The following FAM135A variants were observed in gnomAD, a reference collection of about 807,000 sequenced individuals.
FAM135A encodes the protein protein FAM135A.
In FAM135A, 79 loss-of-function variants were observed where a neutral mutation model predicts 146.8. The observed-to-expected ratio is 0.54, with a 90% confidence interval of 0.45 to 0.65. The LOEUF is 0.65. Among genes scored for constraint, FAM135A ranks in the 30% least tolerant of loss-of-function variants. FAM135A has a pLI of 0.00. For missense variants in FAM135A, 1,623 were observed against 1,758.2 expected (o/e 0.92, Z 1.38); for synonymous variants, 562 against 603.6 (o/e 0.93, Z 1.01).
Position 70,536,239 on chromosome 6 carries a change from AATTT to A in FAM135A, c.3966-20_3966-17del. On this transcript the variant is annotated splice_polypyrimidine_tract_variant and intron_variant, in intron 18 of 21. Coordinates refer to ENST00000418814, the MANE Select transcript of FAM135A (RefSeq NM_001162529.3). Reference sequence around the variant, plus strand: ...CTAAAACTAATGCTGTGAGAAAATTAATTTTTTTTTCCTCTTAAAGCTTTATTGG... The same window carrying A: ...CTAAAACTAATGCTGTGAGAAAATTATTTTTTCCTCTTAAAGCTTTATTGG... 1 of 1,585,140 alleles carries A rather than the reference AATTT, an allele frequency of 6.3e-7. No individual in the cohort carries two copies. The highest frequency in any genetic ancestry group is 8.6e-7 in the Non-Finnish European group (1 of 1,168,258).
rs1179430522 is a variant in FAM135A, at chr6:70,442,238, GGTTT to G, written c.78-10253_78-10250del. Among the ~76,000 whole-genome samples the G allele has an allele frequency of 1.0e-4, 14 of 136,410 alleles. No individual in the cohort carries two copies. In the East Asian group the frequency reaches 1.4e-3, roughly 14 times the overall value. 89.5% of individuals were successfully genotyped at this position (136,410 alleles called of 152,430 possible). A position where few individuals can be genotyped will look rare whatever the true frequency, so the allele number is the denominator to read the frequency against. On this transcript the variant is annotated intron_variant, in intron 4 of 21. Transcript: ENST00000418814. The stretch of plus-strand genomic sequence containing the variant: ...CATAAATATTTAAAATTTCTTCATG[GGTTT>G]TTTTTTTTTTTTTTTGCCGAGATAT...
At chr6:70,484,637 A>G (rs973986100) in intron 10 of FAM135A, among the ~76,000 whole-genome samples, 3 of 152,082 alleles carry the variant, frequency 2.0e-5, no homozygotes, top group African/African-American at 4.8e-5. Flanking sequence ...GGAGCATGCA[A>G]CCTAGATCCC....
At chr6:70,438,984 G>A (rs1773848227) in intron 4 of FAM135A, among the ~76,000 whole-genome samples, 1 of 151,978 alleles carries the variant, frequency 6.6e-6, no homozygotes, top group African/African-American at 2.4e-5. Flanking sequence ...ATATAGTGAG[G>A]CCCTATCTAC....
chr6:70,551,836 A>G (rs1799885701), intron 20 of FAM135A, among the ~76,000 whole-genome samples: 1 of 152,224 alleles, frequency 6.6e-6, no homozygotes, highest in African/African-American at 2.4e-5. Flanking sequence ...GGCATTGCAA[A>G]ACAATTCCAA....
intron 12 of FAM135A, among the ~76,000 whole-genome samples, chr6:70,505,898 A>C (rs1012626303): frequency 1.3e-5 from 2 of 152,080 alleles, no homozygotes; most frequent in Non-Finnish European, 2.9e-5. Context: ...TTTTTCTTAG[A>C]ATTTCTTTAT....
At chr6:70,502,553 A>G in intron 11 of FAM135A, 83 bp from the exon 12 acceptor site, 1 of 1,413,154 alleles carries the variant, frequency 7.1e-7, no homozygotes, top group Non-Finnish European at 9.6e-7. Flanking sequence ...TTGCCTTTGT[A>G]TTAATATTCT....
At chr6:70,508,048 T>C (rs950589198) in intron 12 of FAM135A, among the ~76,000 whole-genome samples, 2 of 152,148 alleles carry the variant, frequency 1.3e-5, no homozygotes, top group African/African-American at 2.4e-5. Flanking sequence ...TTCTCTTTCC[T>C]TGAGCCTAGA....
intron 21 of FAM135A, among the ~76,000 whole-genome samples, chr6:70,559,016 A>G (rs965905475): frequency 1.3e-5 from 2 of 152,234 alleles, no homozygotes; most frequent in Non-Finnish European, 2.9e-5. Context: ...GCTGTAGGCC[A>G]AGTTTATAAT....
rs1179072858 is a variant in FAM135A, at chr6:70,534,312, C to CTTTTTTTTTTTTTTTTTTT, written c.3965+465_3965+483dup. On this transcript the variant is annotated intron_variant, in intron 18 of 21. Coordinates refer to ENST00000418814, the MANE Select transcript of FAM135A (RefSeq NM_001162529.3). ...CAAAAATACTTTCAAAGTTTGTATACTTTTTTTTTTTTTTTTTTTTTTTTT... is the reference window on the plus strand; with the variant it reads ...CAAAAATACTTTCAAAGTTTGTATACTTTTTTTTTTTTTTTTTTTTTTTTTTTTTTTTTTTTTTTTTTTT... Among the ~76,000 whole-genome samples, 14 of 89,804 alleles carry CTTTTTTTTTTTTTTTTTTT rather than the reference C, an allele frequency of 1.6e-4. 2 individuals are homozygous for CTTTTTTTTTTTTTTTTTTT. The highest frequency in any genetic ancestry group is 5.2e-4 in the African/African-American group (11 of 20,954). The allele number at this position is 89,804 out of a possible 152,430, so 58.9% of individuals were successfully genotyped here.
At position 70,475,480 on chromosome 6, in the gene FAM135A, C is replaced by T; in HGVS notation, c.228C>T (p.Tyr76=). ...LICSKTFQIL[Y]KNEEVVLNDV... The stretch of plus-strand genomic sequence containing the variant: ...GCAGTAAAACATTTCAAATTTTGTA[C>T]AAAAATGAAGAGGTTGTTTTAAATG... The change falls in exon 6 of 22, where the codon TAC becomes TAT. Residue 76 remains tyrosine, a synonymous_variant. Coordinates refer to ENST00000418814, the MANE Select transcript of FAM135A (RefSeq NM_001162529.3). 6.2e-7 allele frequency: 1 copy of T among 1,605,834 alleles called. No individual in the cohort carries two copies. Among genetic ancestry groups the T allele is most frequent in the Non-Finnish European group, 8.5e-7 (1 of 1,177,090 alleles).
intron 5 of FAM135A, among the ~76,000 whole-genome samples, chr6:70,467,937 C>A (rs1780793950): frequency 6.6e-6 from 1 of 151,452 alleles, no homozygotes; most frequent in Non-Finnish European, 1.5e-5. Flanking sequence ...TAAAAGTGTC[C>A]TTCTGATATT....
At chr6:70,522,053 A>C (rs1793711188) in intron 12 of FAM135A, among the ~76,000 whole-genome samples, 1 of 152,046 alleles carries the variant, frequency 6.6e-6, no homozygotes, top group African/African-American at 2.4e-5. Context: ...AGTAGCTGGG[A>C]TTACAAGCAC....
intron 16 of FAM135A, among the ~76,000 whole-genome samples, chr6:70,529,401 C>G: frequency 6.7e-6 from 1 of 148,958 alleles, no homozygotes; most frequent in Non-Finnish European, 1.5e-5. Flanking sequence ...ACAAATGTCC[C>G]TGGTACTAAA....
chr6:70,470,423 C>T (rs778174697), intron 5 of FAM135A, among the ~76,000 whole-genome samples: 2 of 152,232 alleles, frequency 1.3e-5, no homozygotes, highest in South Asian at 2.1e-4. Context: ...GGCACAATCT[C>T]GGCTCACTCT....
intron 5 of FAM135A, among the ~76,000 whole-genome samples, chr6:70,453,467 G>T (rs1156502190): frequency 1.3e-5 from 2 of 151,968 alleles, no homozygotes; most frequent in Non-Finnish European, 2.9e-5. Flanking sequence ...ACAACATGCA[G>T]GTTTGTTTGC....
intron 12 of FAM135A, among the ~76,000 whole-genome samples, chr6:70,510,774 G>T (rs907319266): frequency 6.6e-6 from 1 of 151,950 alleles, no homozygotes; most frequent in Non-Finnish European, 1.5e-5. Flanking sequence ...GTTATTTGGG[G>T]TATATACCTA....
intron 20 of FAM135A, among the ~76,000 whole-genome samples, chr6:70,539,823 G>A (rs1797515066): frequency 2.6e-5 from 4 of 151,978 alleles, no homozygotes; most frequent in South Asian, 2.1e-4. Context: ...GTGAAACCCC[G>A]TCTCTACTAA....
intron 20 of FAM135A, among the ~76,000 whole-genome samples, chr6:70,543,610 C>T (rs573315203): frequency 3.3e-5 from 5 of 152,236 alleles, no homozygotes; most frequent in African/African-American, 1.2e-4. Context: ...TGAAACATGG[C>T]ATATGCTTCT....
chr6:70,493,348 C>T (rs1041927763), intron 11 of FAM135A, among the ~76,000 whole-genome samples: 9 of 151,838 alleles, frequency 5.9e-5, no homozygotes, highest in East Asian at 1.9e-4. Flanking sequence ...AAAAAAGTGG[C>T]GTGACGAATA....
Sources: allele counts gnomAD v4.1 joint callset (sites outside exome capture counted in the v4.1 genomes callset), GRCh38; gene constraint gnomAD v4.1.1; transcripts MANE v1.5; gene names NCBI Gene and HGNC (gene_info 2026-07-23, HGNC 2026-07-21).